Variants in PCSK6 observed in about 807,000 individuals in gnomAD.
PCSK6 encodes the protein proprotein convertase subtilisin/kexin type 6.
A neutral mutation model predicts 123.3 loss-of-function variants in PCSK6; 85 were observed. The observed-to-expected ratio is 0.69, with a 90% CI of 0.58 to 0.83. PCSK6 has a LOEUF of 0.83. Among genes scored for constraint, PCSK6 ranks in the 40% least tolerant of loss-of-function variants. The probability of loss-of-function intolerance (pLI) is 0.00; values close to 1 mark genes in which losing one functional copy is unlikely to be tolerated. For synonymous variants in PCSK6, 508 were observed against 516.0 expected (o/e 0.98, Z 0.21); for missense variants, 1,191 against 1,282.3 (o/e 0.93, Z 1.09).
intron 13 of PCSK6, chr15:101,346,659 A>G: frequency 7.2e-6 from 6 of 836,924 alleles, no homozygotes; most frequent in Non-Finnish European, 9.5e-6. Flanking sequence ...AGCGTACCTC[A>G]TTCCTAAAAC....
At chr15:101,367,950 A>C (rs1296782333) in intron 12 of PCSK6, among the ~76,000 whole-genome samples, 1 of 152,148 alleles carries the variant, frequency 6.6e-6, no homozygotes, top group Non-Finnish European at 1.5e-5. Context: ...TCAGCCTCCC[A>C]AGTAGCTGGG....
intron 6 of PCSK6, among the ~76,000 whole-genome samples, chr15:101,420,272 T>C (rs533319094): frequency 6.6e-6 from 1 of 150,646 alleles, no homozygotes; most frequent in Admixed American, 6.6e-5. Context: ...ACTAAGTTTT[T>C]AGAGGAAATA....
chr15:101,312,921 C>T (rs2624987), intron 20 of PCSK6: 9,171 of 520,298 alleles, frequency 0.018, 743 homozygotes, highest in African/African-American at 0.17. Context: ...ATGAGAGTTG[C>T]TTGAATCCCA....
rs1487260439 is a variant in PCSK6, at chr15:101,324,858, G to A, written c.2369C>T (p.Ala790Val). 2 of 1,611,830 alleles carry A rather than the reference G, an allele frequency of 1.2e-6. No homozygotes were observed. The highest frequency in any genetic ancestry group is 1.7e-6 in the Non-Finnish European group (2 of 1,178,598). The change falls in exon 17 of 22, where the codon GCT (alanine) becomes GTT (valine). Residue 790 changes from alanine to valine, a missense_variant. Ala to Val is a moderately conservative substitution (Grantham distance 64). This residue lies in a region of PCSK6 where 630 missense variants were observed against 631.4 expected (regional missense o/e 1.00). Transcript: ENST00000611716. ...CVTLCPAGFY[A>V]DESQKNCLKC... ...ACAAACAAGCCACTTACTTTCATCA[G>A]CATAAAATCCTGCAGGACAGAGGGT...
intron 6 of PCSK6, among the ~76,000 whole-genome samples, chr15:101,417,357 C>T (rs1379594981): frequency 6.6e-6 from 1 of 152,134 alleles, no homozygotes; most frequent in Non-Finnish European, 1.5e-5. Context: ...CACCCATTGG[C>T]ATATTCACAA....
At chr15:101,404,516 A>G (rs2042709936) in intron 6 of PCSK6, among the ~76,000 whole-genome samples, 1 of 152,170 alleles carries the variant, frequency 6.6e-6, no homozygotes, top group Non-Finnish European at 1.5e-5. Context: ...GGCCAGGCCC[A>G]GTGCAAGAGG....
rs1344525552 is a variant in PCSK6 at position 101,402,421 on chromosome 15, G to A, written c.824-3845C>T. 2.2e-4 allele frequency among the ~76,000 whole-genome samples: 34 copies of A among 151,536 alleles called. 1 individual carries two copies. The South Asian group carries it at 6.9e-3, about 31-fold the overall frequency. ...CACCAAAAGACAAAATTGACAAATG[G>A]GATCTAATTAAACTAAAGAGCTTCT... On this transcript the variant is annotated intron_variant, in intron 6 of 21. Coordinates refer to ENST00000611716, the MANE Select transcript of PCSK6 (RefSeq NM_002570.5).
intron 13 of PCSK6, chr15:101,347,896 G>C: frequency 1.3e-6 from 1 of 749,382 alleles, no homozygotes; most frequent in Non-Finnish European, 2.4e-6. Context: ...CAAATGGAAG[G>C]AGCTGTGTTT....
intron 8 of PCSK6, among the ~76,000 whole-genome samples, chr15:101,392,522 T>C (rs1596279467): frequency 6.6e-6 from 1 of 151,772 alleles, no homozygotes; most frequent in East Asian, 1.9e-4. Context: ...ATTTTTAAAA[T>C]GTCTACAAGT....
chr15:101,374,063 G>T (rs1279696099), intron 11 of PCSK6, among the ~76,000 whole-genome samples: 1 of 152,196 alleles, frequency 6.6e-6, no homozygotes, highest in African/African-American at 2.4e-5. Context: ...CGTTGTTGAA[G>T]CCAGGGAGAC....
rs369729620 is a variant in PCSK6, at chr15:101,313,108, C to T, written c.2699+268G>A. On this transcript the variant is annotated intron_variant, in intron 20 of 21. Transcript: ENST00000611716. ...GGGCAGGGACGTCCCGCGTAGTCCACCAATGGGGTGTGAGCACCTTGCTAT... is the reference window on the plus strand; with the variant it reads ...GGGCAGGGACGTCCCGCGTAGTCCATCAATGGGGTGTGAGCACCTTGCTAT... 6.9e-5 allele frequency: 98 copies of T among 1,411,354 alleles called. 1 individual carries two copies. The highest frequency in any genetic ancestry group is 8.6e-5 in the Non-Finnish European group (92 of 1,067,624). The allele number at this position is 1,411,354 out of a possible 1,614,324, so 87.4% of individuals were successfully genotyped here. A position where few individuals can be genotyped will look rare whatever the true frequency, so the allele number is the denominator to read the frequency against.
At chr15:101,484,956 G>A (rs1315253797) in intron 1 of PCSK6, among the ~76,000 whole-genome samples, 1 of 152,182 alleles carries the variant, frequency 6.6e-6, no homozygotes. Flanking sequence ...ACACGTGGGA[G>A]AGTTCTTCCA....
chr15:101,440,635 C>T (rs189806301), intron 2 of PCSK6, among the ~76,000 whole-genome samples: 70 of 152,342 alleles, frequency 4.6e-4, no homozygotes, highest in Admixed American at 4.6e-3. Flanking sequence ...AACACAATGG[C>T]AGCCTCGCAT....
chr15:101,321,501 G>A (rs1308253706), intron 18 of PCSK6, among the ~76,000 whole-genome samples: 2 of 152,226 alleles, frequency 1.3e-5, no homozygotes, highest in African/African-American at 4.8e-5. Flanking sequence ...TACTTCACAG[G>A]TTGCTGCAAA....
intron 1 of PCSK6, among the ~76,000 whole-genome samples, chr15:101,484,252 C>A (rs2057965003): frequency 6.6e-6 from 1 of 152,184 alleles, no homozygotes; most frequent in African/African-American, 2.4e-5. Flanking sequence ...GTTCCTCTCC[C>A]CTCCCTCCCT....
intron 6 of PCSK6, among the ~76,000 whole-genome samples, chr15:101,407,103 G>A (rs916615763): frequency 6.6e-6 from 1 of 152,088 alleles, no homozygotes; most frequent in South Asian, 2.1e-4. Context: ...TGGCAGTGTG[G>A]TGTGGCAAGG....
intron 1 of PCSK6, among the ~76,000 whole-genome samples, chr15:101,451,892 C>T (rs1341667125): frequency 6.6e-6 from 1 of 152,198 alleles, no homozygotes; most frequent in African/African-American, 2.4e-5. Context: ...TAGATGACCA[C>T]TGGACCTATA....
At chr15:101,459,064 A>G (rs2057267092) in intron 1 of PCSK6, among the ~76,000 whole-genome samples, 1 of 152,106 alleles carries the variant, frequency 6.6e-6, no homozygotes, top group Admixed American at 6.5e-5. Context: ...TTCCGGACAG[A>G]AGAGAAACCC....
intron 1 of PCSK6, among the ~76,000 whole-genome samples, chr15:101,485,515 C>A (rs1419445545): frequency 6.6e-6 from 1 of 152,140 alleles, no homozygotes; most frequent in Non-Finnish European, 1.5e-5. Flanking sequence ...TATTCCACTG[C>A]AGCTCTTTCT....
Sources: gnomAD v4.1 joint callset for allele counts (sites outside exome capture counted in the v4.1 genomes callset) on GRCh38, gnomAD v4.1.1 for gene constraint, gnomAD v4.1.1 regional missense constraint, MANE v1.5 for transcripts, NCBI Gene and HGNC (gene_info 2026-07-23, HGNC 2026-07-21) for gene names.